Variants in FRMD6 observed in about 807,000 individuals in gnomAD.
FRMD6 encodes the protein FERM domain-containing protein 6.
In FRMD6, 37 loss-of-function variants were observed where a neutral mutation model predicts 73.2. The ratio of observed to expected loss-of-function variants is 0.51; its 90% CI spans 0.39 to 0.66. The LOEUF (loss-of-function observed/expected upper bound fraction) is 0.66, where lower values mean the gene tolerates loss of function less well. Among genes scored for constraint, FRMD6 ranks in the 30% least tolerant of loss-of-function variants. FRMD6 has a pLI of 0.00. For missense variants in FRMD6, 714 were observed against 780.5 expected (o/e 0.91, Z 1.02); for synonymous variants, 273 against 282.2 (o/e 0.97, Z 0.33).
chr14:51,455,404 TGTG>T, the FRMD6 span, among the ~76,000 whole-genome samples: 48 of 152,238 alleles, frequency 3.2e-4, no homozygotes, highest in Admixed American at 8.5e-4. Context: ...CTCTTGTCAT[TGTG>T]GTGATATCTT....
chr14:51,630,891 A>G (rs1891310826), intron 2 of FRMD6, among the ~76,000 whole-genome samples: 1 of 152,228 alleles, frequency 6.6e-6, no homozygotes, highest in African/African-American at 2.4e-5. Flanking sequence ...ATCTTGTAGT[A>G]CAAGGCTTCC....
At chr14:51,433,764 G>A in the FRMD6 span, among the ~76,000 whole-genome samples, 22 of 152,264 alleles carry the variant, frequency 1.4e-4, no homozygotes, top group Admixed American at 1.2e-3. Context: ...TTACTATATA[G>A]CGCTGACTCT....
chr14:51,626,483 G>A (rs1356498773), intron 2 of FRMD6, among the ~76,000 whole-genome samples: 1 of 152,040 alleles, frequency 6.6e-6, no homozygotes, highest in Non-Finnish European at 1.5e-5. Context: ...TTTGTTTTCT[G>A]CTCTTTTTTC....
chr14:51,566,345 G>A (rs886883773), intron 1 of FRMD6, among the ~76,000 whole-genome samples: 1 of 152,166 alleles, frequency 6.6e-6, no homozygotes, highest in African/African-American at 2.4e-5. Flanking sequence ...AGAATCGATT[G>A]TCCAGAGTAA....
intron 2 of FRMD6, chr14:51,637,213 C>A (rs1891604938): frequency 6.6e-6 from 1 of 152,008 alleles, no homozygotes; most frequent in African/African-American, 2.4e-5. Flanking sequence ...CGGAGCGTGA[C>A]CCTGTCTCAA....
chr14:51,727,774 T>A lies in FRMD6; in HGVS notation c.1614T>A (p.Thr538=). 6.2e-7 allele frequency: 1 copy of A among 1,608,232 alleles called. No individual in the cohort carries two copies. The highest frequency in any genetic ancestry group is 8.5e-7 in the Non-Finnish European group (1 of 1,174,972). ...TATGTCGGAAACCAAAGACCTCCAC[T>A]GATCGACACAGCTTGAGCCTCGATG... The part of the protein sequence containing the change: ...QTICRKPKTS[T]DRHSLSLDDI... Residue 538 remains threonine, a synonymous_variant, in exon 14 of 14, where the codon ACT becomes ACA. Transcript: ENST00000344768.
chr14:51,628,946 G>A (rs1295619098), intron 2 of FRMD6, among the ~76,000 whole-genome samples: 1 of 128,032 alleles, frequency 7.8e-6, no homozygotes, highest in East Asian at 2.3e-4. Flanking sequence ...ACGCAATCTC[G>A]GCTCACTGCA....
intron 2 of FRMD6, among the ~76,000 whole-genome samples, chr14:51,579,535 A>T (rs1888595480): frequency 6.6e-6 from 1 of 152,214 alleles, no homozygotes; most frequent in East Asian, 1.9e-4. Context: ...TGTTTACTTT[A>T]GATGATAGCT....
intron 1 of FRMD6, among the ~76,000 whole-genome samples, chr14:51,549,295 A>T (rs528323575): frequency 6.6e-6 from 1 of 152,334 alleles, no homozygotes; most frequent in African/African-American, 2.4e-5. Flanking sequence ...GAATATTTTT[A>T]AAAAATCAAT....
At chr14:51,724,126 A>T (rs1268166349) in intron 12 of FRMD6, 1 of 152,168 alleles carries the variant, frequency 6.6e-6, no homozygotes, top group Admixed American at 6.5e-5. Flanking sequence ...CAGCACATAC[A>T]CTAAAGTTGC....
chr14:51,634,426 G>A (rs547410431), intron 2 of FRMD6, among the ~76,000 whole-genome samples: 3 of 152,242 alleles, frequency 2.0e-5, no homozygotes, highest in East Asian at 1.9e-4. Context: ...TCCTCTCTCC[G>A]AATTATCTCT....
At chr14:51,594,382 G>T (rs1889591606) in intron 2 of FRMD6, among the ~76,000 whole-genome samples, 1 of 151,690 alleles carries the variant, frequency 6.6e-6, no homozygotes, top group Non-Finnish European at 1.5e-5. Context: ...AGGCTGGAGT[G>T]CAATGGTGCG....
rs149116779 is a variant in FRMD6, at chr14:51,540,949, A to C, written c.-209-29399A>C. Reference sequence around the variant, plus strand: ...AATACTCAAATCCATTTACTTTTTTAGACTAATATATTAAGGTAAACACCA... The same window carrying C: ...AATACTCAAATCCATTTACTTTTTTCGACTAATATATTAAGGTAAACACCA... On this transcript the variant is annotated intron_variant, in intron 1 of 14. Transcript: ENST00000356218. Among the ~76,000 whole-genome samples, 208 of 152,262 alleles carry C rather than the reference A, an allele frequency of 1.4e-3. 1 individual carries two copies. Among genetic ancestry groups the C allele is most frequent in the African/African-American group, 4.8e-3 (198 of 41,576 alleles).
intron 12 of FRMD6, chr14:51,724,109 G>A (rs912211466): frequency 1.3e-4 from 19 of 151,676 alleles, no homozygotes; most frequent in Non-Finnish European, 2.2e-4. Context: ...CTAAGTACTC[G>A]CCTTGGCAGC....
chr14:51,408,016 C>A, the FRMD6 span, among the ~76,000 whole-genome samples: 2 of 152,056 alleles, frequency 1.3e-5, no homozygotes, highest in African/African-American at 4.8e-5. Context: ...TTAATGCTTT[C>A]TTTTCAATCT....
intron 7 of FRMD6, 50 bp from the exon 8 acceptor site, chr14:51,711,481 G>T: frequency 7.7e-7 from 1 of 1,299,956 alleles, no homozygotes. Context: ...GTCCACTGTA[G>T]AAAAAATATA....
At chr14:51,629,273 A>G (rs1183743992) in intron 2 of FRMD6, among the ~76,000 whole-genome samples, 1 of 152,184 alleles carries the variant, frequency 6.6e-6, no homozygotes, top group Non-Finnish European at 1.5e-5. Context: ...TGAACAGTCC[A>G]TGCACCAATT....
chr14:51,720,468 C>G (rs943646455), intron 11 of FRMD6, 78 bp downstream of exon 11: 13 of 1,335,566 alleles, frequency 9.7e-6, no homozygotes, highest in Admixed American at 1.9e-5. Flanking sequence ...GAACTGGTGT[C>G]TGGAGAGCAA....
At chr14:51,652,538 C>T (rs985058509) in intron 1 of FRMD6, among the ~76,000 whole-genome samples, 11 of 152,246 alleles carry the variant, frequency 7.2e-5, no homozygotes, top group Non-Finnish European at 1.0e-4. Context: ...GTTGTGCGCG[C>T]GCAGAGGCCG....
Sources: gnomAD v4.1 joint callset for allele counts (sites outside exome capture counted in the v4.1 genomes callset) on GRCh38, gnomAD v4.1.1 for gene constraint, MANE v1.5 for transcripts, NCBI Gene and HGNC (gene_info 2026-07-23, HGNC 2026-07-21) for gene names.